RPL5: variants seen among roughly 807,000 people sequenced by gnomAD.
RPL5 encodes the protein large ribosomal subunit protein uL18.
A neutral mutation model predicts 38.4 loss-of-function variants in RPL5; 1 was observed. That is an observed-to-expected ratio of 0.03 (90% confidence interval 0.01 to 0.12). RPL5 has a LOEUF of 0.12. Ranked by LOEUF, RPL5 falls within the 10% of genes least tolerant of loss-of-function variation. RPL5 has a pLI of 1.00. For synonymous variants in RPL5, 109 were observed against 121.2 expected, an observed-to-expected ratio of 0.90 and a Z score of 0.66; for missense variants, 243 against 374.1, an observed-to-expected ratio of 0.65 and a Z score of 2.89.
At position 92,841,831 on chromosome 1, in the gene RPL5, T is replaced by A; in HGVS notation, c.860T>A (p.Phe287Tyr). The A allele has an allele frequency of 6.2e-7, 1 of 1,611,884 alleles. No individual in the cohort carries two copies. The highest frequency in any genetic ancestry group is 8.5e-7 in the Non-Finnish European group (1 of 1,179,784). Residue 287 changes from phenylalanine (F) to tyrosine (Y), a missense_variant, in exon 8 of 8, where the codon TTC (phenylalanine) becomes TAC (tyrosine). By Grantham distance (22) the Phe-to-Tyr change is conservative. Transcript: ENST00000370321. ...KDRVAQKKAS[F>Y]LRAQERAAES is the part of the protein sequence containing the mutation. ...CGGGTAGCTCAAAAGAAGGCAAGCTTCCTCAGAGCTCAGGAGCGGGCTGCT... is the reference window on the plus strand; with the variant it reads ...CGGGTAGCTCAAAAGAAGGCAAGCTACCTCAGAGCTCAGGAGCGGGCTGCT...
At chr1:92,840,361 C>T in intron 6 of RPL5, 190 bp from the exon 7 acceptor site, 2 of 562,710 alleles carry the variant, frequency 3.6e-6, no homozygotes, top group South Asian at 4.0e-5. Flanking sequence ...ATTCACATTG[C>T]ATAAGGTGAA....
At chr1:92,838,225 T>G (rs1210666570) in intron 6 of RPL5, among the ~76,000 whole-genome samples, 1 of 152,228 alleles carries the variant, frequency 6.6e-6, no homozygotes, top group Non-Finnish European at 1.5e-5. Context: ...TTTCTGTTAT[T>G]TCTATGCTTT....
At chr1:92,835,549 A>G (rs1687085940) in intron 4 of RPL5, among the ~76,000 whole-genome samples, 1 of 151,274 alleles carries the variant, frequency 6.6e-6, no homozygotes, top group Non-Finnish European at 1.5e-5. Flanking sequence ...AGTCCCAACT[A>G]CTTGGGAGGC....
intron 7 of RPL5, 147 bp downstream of exon 7, chr1:92,840,786 C>G (rs779341188): frequency 1.3e-6 from 1 of 748,310 alleles, no homozygotes; most frequent in Non-Finnish European, 2.4e-6. Flanking sequence ...GCAAAAGTAA[C>G]TGTGGTGATG....
At chr1:92,832,967 T>A in intron 1 of RPL5, 1 of 723,802 alleles carries the variant, frequency 1.4e-6, no homozygotes, top group Non-Finnish European at 2.5e-6. Flanking sequence ...CAAACCGACG[T>A]TTGGCATCAC....
chr1:92,835,035 G>C lies in RPL5; in HGVS notation c.324+122G>C. Reference sequence around the variant, plus strand: ...TGCTTCAGGAGAGTGCTTGCTTCCAGTTTTCTGCTTTGTTAATGGATCTAT... The same window carrying C: ...TGCTTCAGGAGAGTGCTTGCTTCCACTTTTCTGCTTTGTTAATGGATCTAT... On this transcript the variant is annotated intron_variant, in intron 4 of 7. Coordinates refer to ENST00000370321, the MANE Select transcript of RPL5 (RefSeq NM_000969.5). 6 of 1,414,420 alleles carry C rather than the reference G, an allele frequency of 4.2e-6. No homozygotes were observed. In the South Asian group the frequency reaches 6.9e-5, roughly 16 times the overall value. 87.6% of individuals were successfully genotyped at this position (1,414,420 alleles called of 1,614,324 possible).
chr1:92,839,186 C>CT (rs1277601549), intron 6 of RPL5, among the ~76,000 whole-genome samples: 2 of 151,962 alleles, frequency 1.3e-5, no homozygotes, highest in African/African-American at 4.8e-5. Context: ...TGGTGAAACC[C>CT]TGTCTCTGCT....
At chr1:92,840,369 G>A (rs1019578669) in intron 6 of RPL5, 182 bp from the exon 7 acceptor site, 2 of 581,046 alleles carry the variant, frequency 3.4e-6, no homozygotes. Context: ...TGCATAAGGT[G>A]AAAATTGGGA....
intron 1 of RPL5, chr1:92,832,995 A>G: frequency 4.1e-6 from 3 of 736,834 alleles, no homozygotes; most frequent in South Asian, 2.9e-5. Context: ...TGTCTGGAGC[A>G]GTGCTTCGCA....
At chr1:92,840,449 T>G in intron 6 of RPL5, 102 bp from the exon 7 acceptor site, 1 of 864,304 alleles carries the variant, frequency 1.2e-6, no homozygotes, top group Admixed American at 1.9e-5. Context: ...GTTTAGTTCC[T>G]TTTGAGAATC....
In RPL5 at chr1:92,836,703, C is replaced by A. The variant is rs1251113107; in HGVS notation, c.527+311C>A. The A allele has an allele frequency of 1.0e-5, 3 of 295,486 alleles. No individual in the cohort carries two copies. In the East Asian group the frequency reaches 2.3e-4, roughly 23 times the overall value. The allele number at this position is 295,486 out of a possible 1,614,324, so 18.3% of individuals were successfully genotyped here. A position where few individuals can be genotyped will look rare whatever the true frequency, so the allele number is the denominator to read the frequency against. ...AATGAGCAACTCCATCCTCTTTCCC[C>A]ATGCACTTTCTTTTTTCAATCAGAA... On this transcript the variant is annotated intron_variant, in intron 5 of 7. Coordinates refer to ENST00000370321, the MANE Select transcript of RPL5 (RefSeq NM_000969.5).
In RPL5 at chr1:92,840,574, T is replaced by C. The variant is rs1306567564; in HGVS notation, c.729T>C (p.Ala243=). 1 of 1,613,162 alleles carries C rather than the reference T, an allele frequency of 6.2e-7. No homozygotes were observed. The highest frequency in any genetic ancestry group is 2.2e-5 in the East Asian group (1 of 44,860). Residue 243 remains alanine, a synonymous_variant, in exon 7 of 8, where the codon GCT becomes GCC. Transcript: ENST00000370321. ...PDMMEEMYKK[A]HAAIRENPVY... Reference sequence around the variant, plus strand: ...AGATGGAGGAGATGTATAAGAAAGCTCATGCTGCTATACGAGAGAATCCAG... The same window carrying C: ...AGATGGAGGAGATGTATAAGAAAGCCCATGCTGCTATACGAGAGAATCCAG...
chr1:92,836,514 G>C, intron 5 of RPL5, 122 bp downstream of exon 5: 1 of 869,814 alleles, frequency 1.1e-6, no homozygotes, highest in Non-Finnish European at 1.9e-6. Flanking sequence ...GTATGCCTAG[G>C]TACCATGCAG....
At chr1:92,840,990 A>G (rs756686950) in intron 7 of RPL5, 9 of 393,874 alleles carry the variant, frequency 2.3e-5, no homozygotes, top group Non-Finnish European at 4.4e-5. Flanking sequence ...CCACAAATAC[A>G]ATGTATAGTA....
chr1:92,838,939 A>G (rs1418610371), intron 6 of RPL5, among the ~76,000 whole-genome samples: 1 of 151,824 alleles, frequency 6.6e-6, no homozygotes, highest in Non-Finnish European at 1.5e-5. Flanking sequence ...TAGTAATCAC[A>G]TCTCCACATT....
Position 92,836,080 on chromosome 1 carries a change from A to G in RPL5, c.325-110A>G, listed in dbSNP as rs559028873. 229 of 1,004,700 alleles carry G rather than the reference A, an allele frequency of 2.3e-4. 6 individuals carry two copies. The South Asian group carries it at 2.8e-3, about 12-fold the overall frequency. The allele number at this position is 1,004,700 out of a possible 1,614,324, so 62.2% of individuals were successfully genotyped here. A position where few individuals can be genotyped will look rare whatever the true frequency, so the allele number is the denominator to read the frequency against. ...CTGGTGAAAGGGTGGGTGTGGAAGG[A>G]AATTTTCTTTTCCAGATGTCAGTGG... On this transcript the variant is annotated intron_variant, in intron 4 of 7. Transcript: ENST00000370321.
At chr1:92,836,133 T>C in intron 4 of RPL5, 57 bp from the exon 5 acceptor site, 1 of 1,512,200 alleles carries the variant, frequency 6.6e-7, no homozygotes, top group East Asian at 2.3e-5. Flanking sequence ...TAAGCTATTT[T>C]AATTTTAGAG....
At chr1:92,836,021 T>A (rs76457701) in intron 4 of RPL5, among the ~76,000 whole-genome samples, 169 bp from the exon 5 acceptor site, 3,210 of 152,292 alleles carry the variant, frequency 0.021, 115 homozygotes, top group African/African-American at 0.072. Context: ...GTTTTTTTTT[T>A]AAATAGCATT....
chr1:92,834,943 GT>G, intron 4 of RPL5, 30 bp downstream of exon 4: 1 of 1,599,820 alleles, frequency 6.3e-7, no homozygotes, highest in Non-Finnish European at 8.5e-7. Context: ...AATTGATGTA[GT>G]TTGTGGCTGA....
Sources: allele counts gnomAD v4.1 joint callset (sites outside exome capture counted in the v4.1 genomes callset), GRCh38; gene constraint gnomAD v4.1.1; transcripts MANE v1.5; gene names NCBI Gene and HGNC (gene_info 2026-07-23, HGNC 2026-07-21).